The following ANK3 variants were observed in gnomAD, a reference collection of about 807,000 sequenced individuals.
ANK3 encodes ankyrin 3.
A neutral mutation model predicts 370.9 loss-of-function variants in ANK3; 57 were observed. The ratio of observed to expected loss-of-function variants is 0.15; its 90% CI spans 0.12 to 0.19. The LOEUF is 0.19. ANK3 is among the 10% of genes least tolerant of loss of function. The pLI is 1.00. For synonymous variants in ANK3, 1,929 were observed against 1,946.3 expected (o/e 0.99, Z 0.23); for missense variants, 4,439 against 5,302.1 (o/e 0.84, Z 5.06).
At chr10:60,083,723 T>C (rs1357924470) in intron 32 of ANK3, 106 bp from the exon 33 acceptor site, 4 of 961,160 alleles carry the variant, frequency 4.2e-6, no homozygotes, top group Non-Finnish European at 6.2e-6. Flanking sequence ...ATGTTACACG[T>C]GTCTCTATTA....
chr10:60,042,809 T>C, intron 42 of ANK3, 50 bp from the exon 43 acceptor site: 2 of 1,463,170 alleles, frequency 1.4e-6, no homozygotes, highest in Non-Finnish European at 1.8e-6. Flanking sequence ...CAGTGTTAGT[T>C]ATAAAGCAGT....
intron 1 of ANK3, among the ~76,000 whole-genome samples, chr10:60,347,398 G>A (rs535109568): frequency 9.2e-5 from 14 of 151,724 alleles, no homozygotes; most frequent in Admixed American, 9.2e-4. Context: ...CTGTCTTTCT[G>A]CTTGACTATG....
At chr10:60,302,842 A>C (rs1402349812) in intron 1 of ANK3, among the ~76,000 whole-genome samples, 1 of 151,512 alleles carries the variant, frequency 6.6e-6, no homozygotes, top group African/African-American at 2.4e-5. Context: ...AAAACAAACA[A>C]CAAAAAAAAA....
Position 60,234,229 on chromosome 10 carries a change from T to C in ANK3, c.897+459A>G, listed in dbSNP as rs7907458. On this transcript the variant is annotated intron_variant, in intron 8 of 43. Coordinates refer to ENST00000280772, the MANE Select transcript of ANK3 (RefSeq NM_020987.5). ...TTTTGAGATCCTGCTTTCAATTATT[T>C]TGGACATATACCCAGAAGTGAGATT... Among the ~76,000 whole-genome samples the C allele has an allele frequency of 8.2e-3, 1,254 of 152,330 alleles. 19 individuals carry two copies. The highest frequency in any genetic ancestry group is 0.029 in the African/African-American group (1,208 of 41,566).
intron 2 of ANK3, among the ~76,000 whole-genome samples, chr10:60,395,956 C>T (rs2063230016): frequency 6.6e-6 from 1 of 152,134 alleles, no homozygotes; most frequent in South Asian, 2.1e-4. Flanking sequence ...CTTTTCGCTA[C>T]CCATGAAACT....
intron 24 of ANK3, chr10:60,138,576 T>C: frequency 2.4e-6 from 1 of 408,920 alleles, no homozygotes; most frequent in Non-Finnish European, 4.3e-6. Flanking sequence ...CAGAGAATAG[T>C]GAACAATCTA....
At chr10:60,161,088 AG>A (rs2095488598) in intron 23 of ANK3, among the ~76,000 whole-genome samples, 2 of 152,192 alleles carry the variant, frequency 1.3e-5, no homozygotes, top group South Asian at 4.1e-4. Flanking sequence ...TTAGAAAAGA[AG>A]TAGTTAAATT....
At chr10:60,275,062 A>G (rs950435492) in intron 4 of ANK3, among the ~76,000 whole-genome samples, 2 of 152,200 alleles carry the variant, frequency 1.3e-5, no homozygotes, top group African/African-American at 4.8e-5. Flanking sequence ...TCAGATTTCA[A>G]AATAAGAGAA....
chr10:60,133,197 A>C (rs557146807), intron 25 of ANK3, among the ~76,000 whole-genome samples: 126 of 152,348 alleles, frequency 8.3e-4, no homozygotes, highest in African/African-American at 2.9e-3. Context: ...ATTGTGCAGT[A>C]AGTCAAAAAG....
chr10:60,099,107 T>C lies in ANK3; in HGVS notation c.3328+6798A>G, dbSNP rs532638839. Among the ~76,000 whole-genome samples, 5 of 152,308 alleles carry C rather than the reference T, an allele frequency of 3.3e-5. No individual in the cohort carries two copies. In the South Asian group the frequency reaches 1.0e-3, roughly 32 times the overall value. On this transcript the variant is annotated intron_variant, in intron 28 of 43. Coordinates refer to ENST00000280772, the MANE Select transcript of ANK3 (RefSeq NM_020987.5). ...TGACATTTAAGATTACTTTGTACTC[T>C]GTGTGTAGAATGACCATAACCTGCC...
At position 60,607,333 on chromosome 10, in the gene ANK3, G is replaced by A. The variant is rs187020996; in HGVS notation, c.96+7853C>T. Among the ~76,000 whole-genome samples the A allele has an allele frequency of 1.0e-3, 156 of 152,148 alleles. 1 individual carries two copies. The highest frequency in any genetic ancestry group is 3.6e-3 in the African/African-American group (149 of 41,500). On this transcript the variant is annotated intron_variant, in intron 2 of 43. Transcript: ENST00000373827. ...GGGACACACAGACAGTAAGGATTGG[G>A]ACTAAAATTTGAGTCTGAATCAGTC...
chr10:60,258,071 T>C (rs2097761851), intron 7 of ANK3, among the ~76,000 whole-genome samples: 1 of 152,242 alleles, frequency 6.6e-6, no homozygotes, highest in African/African-American at 2.4e-5. Flanking sequence ...AATTTGGCCT[T>C]TTGTTACTCT....
chr10:60,411,405 A>T (rs1272718421), intron 2 of ANK3, among the ~76,000 whole-genome samples: 2 of 152,222 alleles, frequency 1.3e-5, no homozygotes, highest in Non-Finnish European at 2.9e-5. Flanking sequence ...GGATAAGTAG[A>T]TGTTTTCTTG....
rs2132365384 is a variant in ANK3, at chr10:60,186,711, T to C, written c.2085+4A>G. 1 of 1,613,794 alleles carries C rather than the reference T, an allele frequency of 6.2e-7. No individual in the cohort carries two copies. The highest frequency in any genetic ancestry group is 1.1e-5 in the South Asian group (1 of 91,028). ...CATGCTTTGTCAAGAAAGAAGTGGG[T>C]TACCTTATTGCTCAGGTTCACATTC... is the stretch of plus-strand genomic sequence containing the variant. On this transcript the variant is annotated splice_donor_region_variant and intron_variant, in intron 17 of 43. Transcript: ENST00000280772.
intron 2 of ANK3, among the ~76,000 whole-genome samples, chr10:60,511,277 G>T (rs1283891209): frequency 6.6e-6 from 1 of 152,080 alleles, no homozygotes; most frequent in Non-Finnish European, 1.5e-5. Context: ...GGTCTGCAAT[G>T]GGTATTTTGT....
intron 2 of ANK3, among the ~76,000 whole-genome samples, chr10:60,437,907 C>T (rs1035532686): frequency 6.6e-6 from 1 of 152,204 alleles, no homozygotes; most frequent in Admixed American, 6.5e-5. Flanking sequence ...TATTTAACCA[C>T]ACCATCATGA....
intron 7 of ANK3, among the ~76,000 whole-genome samples, chr10:60,251,089 T>C (rs553200883): frequency 6.6e-6 from 1 of 152,344 alleles, no homozygotes; most frequent in African/African-American, 2.4e-5. Flanking sequence ...ATGGAAATCA[T>C]ATCCACACCT....
intron 1 of ANK3, among the ~76,000 whole-genome samples, chr10:60,283,456 G>A (rs996220645): frequency 1.3e-5 from 2 of 152,144 alleles, no homozygotes; most frequent in South Asian, 2.1e-4. Flanking sequence ...CAAGCTGGGT[G>A]CAGCCACATG....
chr10:60,341,022 C>T (rs879588451), intron 1 of ANK3, among the ~76,000 whole-genome samples: 3 of 152,194 alleles, frequency 2.0e-5, no homozygotes, highest in Non-Finnish European at 4.4e-5. Context: ...TGCAGAACTT[C>T]TAAGCCGTCA....
Sources: gnomAD v4.1 joint callset for allele counts (sites outside exome capture counted in the v4.1 genomes callset) on GRCh38, gnomAD v4.1.1 for gene constraint, MANE v1.5 for transcripts, NCBI Gene and HGNC (gene_info 2026-07-23, HGNC 2026-07-21) for gene names.